The following B3GAT2 variants were observed in gnomAD, a reference collection of about 807,000 sequenced individuals.
B3GAT2 encodes the protein galactosylgalactosylxylosylprotein 3-beta-glucuronosyltransferase 2.
Under a neutral mutation model 27.8 loss-of-function variants are expected in B3GAT2, and 26 were observed. The ratio of observed to expected loss-of-function variants is 0.93; its 90% CI spans 0.68 to 1.30. The LOEUF (loss-of-function observed/expected upper bound fraction) is 1.30. B3GAT2 is among the 50% of genes most tolerant of loss of function. The probability of loss-of-function intolerance (pLI) is 0.00; values close to 1 mark genes in which losing one functional copy is unlikely to be tolerated. For synonymous variants in B3GAT2, 218 were observed against 195.1 expected (o/e 1.12, Z -0.98); for missense variants, 458 against 459.0 (o/e 1.00, Z 0.02).
In B3GAT2 at chr6:70,861,181, G is replaced by C. The variant is rs1771710217; in HGVS notation, c.*482C>G. 1 of 163,236 alleles carries C rather than the reference G, an allele frequency of 6.1e-6. No individual in the cohort carries two copies. The highest frequency in any genetic ancestry group is 2.4e-5 in the African/African-American group (1 of 41,740). 10.1% of individuals were successfully genotyped at this position (163,236 alleles called of 1,614,324 possible). A position where few individuals can be genotyped will look rare whatever the true frequency, so the allele number is the denominator to read the frequency against. On this transcript the variant is annotated 3_prime_UTR_variant, in exon 4 of 4. Transcript: ENST00000230053. ...TGACTCCATAGACCTTTTCATTTGT[G>C]GGTTTTTATTTCCTATGATGTATAC...
intron 1 of B3GAT2, among the ~76,000 whole-genome samples, chr6:70,940,505 A>G (rs1168321551): frequency 6.6e-6 from 1 of 152,048 alleles, no homozygotes; most frequent in Non-Finnish European, 1.5e-5. Flanking sequence ...AAAAAAATCT[A>G]TTTCGTGCCC....
chr6:70,862,113 A>AT, intron 2 of B3GAT2, 135 bp from the exon 3 acceptor site: 1 of 746,206 alleles, frequency 1.3e-6, no homozygotes, highest in Non-Finnish European at 2.1e-6. Context: ...ACAAAGTTGA[A>AT]TAGGAACATT....
Position 70,861,765 on chromosome 6 carries a change from A to T in B3GAT2, c.886-16T>A. The T allele has an allele frequency of 6.2e-7, 1 of 1,614,076 alleles. No homozygotes were observed. Among genetic ancestry groups the T allele is most frequent in the Non-Finnish European group, 8.5e-7 (1 of 1,179,964 alleles). On this transcript the variant is annotated splice_polypyrimidine_tract_variant and intron_variant, in intron 3 of 3. Transcript: ENST00000230053. ...ACACGAGAACCTGAAGGGGAAGGAA[A>T]TAGCTTGGGTAGCGCACTCTTCATG...
rs1771607216 is a variant in B3GAT2 at position 70,859,532 on chromosome 6, G to C, written c.*2131C>G. On this transcript the variant is annotated 3_prime_UTR_variant, in exon 4 of 4. Transcript: ENST00000230053. ...TCAAATGTATTAAATTAAGAACACA[G>C]TCTAACTCTGAGTGTAAGTTTTAAA... The C allele has an allele frequency of 1.6e-6, 1 of 643,414 alleles. No individual in the cohort carries two copies. Among genetic ancestry groups the C allele is most frequent in the Non-Finnish European group, 2.5e-6 (1 of 392,314 alleles). 39.9% of individuals were successfully genotyped at this position (643,414 alleles called of 1,614,324 possible). A position where few individuals can be genotyped will look rare whatever the true frequency, so the allele number is the denominator to read the frequency against.
At chr6:70,941,620 G>A (rs1765395002) in intron 1 of B3GAT2, among the ~76,000 whole-genome samples, 1 of 152,082 alleles carries the variant, frequency 6.6e-6, no homozygotes, top group African/African-American at 2.4e-5. Flanking sequence ...CTTAGAATCA[G>A]AGTAGGGACC....
intron 1 of B3GAT2, among the ~76,000 whole-genome samples, chr6:70,927,164 C>G (rs1772976364): frequency 6.6e-6 from 1 of 152,152 alleles, no homozygotes; most frequent in Non-Finnish European, 1.5e-5. Flanking sequence ...CTTACAAGAG[C>G]TCCTGAAGGA....
intron 1 of B3GAT2, among the ~76,000 whole-genome samples, chr6:70,897,112 T>C (rs1161783983): frequency 6.6e-6 from 1 of 152,198 alleles, no homozygotes; most frequent in Admixed American, 6.6e-5. Flanking sequence ...TAATACATAC[T>C]ACTAATAGTG....
chr6:70,953,659 T>G (rs12190918), intron 1 of B3GAT2, among the ~76,000 whole-genome samples: 7,340 of 152,298 alleles, frequency 0.048, 264 homozygotes, highest in Middle Eastern at 0.075. Flanking sequence ...AAACCTGTTG[T>G]ATTTTTTGTA....
intron 1 of B3GAT2, among the ~76,000 whole-genome samples, chr6:70,921,567 T>G (rs1772871648): frequency 6.6e-6 from 1 of 152,188 alleles, no homozygotes; most frequent in African/African-American, 2.4e-5. Context: ...TCAATGATCT[T>G]TTTTCTATCC....
chr6:70,928,617 C>A (rs544812617), intron 1 of B3GAT2, among the ~76,000 whole-genome samples: 1 of 152,248 alleles, frequency 6.6e-6, no homozygotes, highest in African/African-American at 2.4e-5. Flanking sequence ...ACACATACAA[C>A]CTCCCAAGAC....
intron 2 of B3GAT2, among the ~76,000 whole-genome samples, chr6:70,880,528 C>G (rs1772085018): frequency 6.6e-6 from 1 of 152,102 alleles, no homozygotes; most frequent in African/African-American, 2.4e-5. Flanking sequence ...GACAGAGTCT[C>G]ACTCTGTCAC....
intron 1 of B3GAT2, among the ~76,000 whole-genome samples, chr6:70,901,384 C>T (rs1274809942): frequency 6.6e-6 from 1 of 152,124 alleles, no homozygotes; most frequent in East Asian, 1.9e-4. Flanking sequence ...AGAGAAATGG[C>T]TGATTCTAGG....
chr6:70,944,489 C>A (rs551786198), intron 1 of B3GAT2, among the ~76,000 whole-genome samples: 1 of 152,060 alleles, frequency 6.6e-6, no homozygotes, highest in South Asian at 2.1e-4. Flanking sequence ...AACTGCAAGG[C>A]GACTGCAAGG....
In B3GAT2 at chr6:70,875,226, TGTAATGTAGG is replaced by T. The variant is rs200163380; in HGVS notation, c.737-13258_737-13249del. 1.0e-2 allele frequency among the ~76,000 whole-genome samples: 1,515 copies of T among 152,238 alleles called. 76 individuals carry two copies. The highest frequency in any genetic ancestry group is 0.085 in the Admixed American group (1,299 of 15,268). On this transcript the variant is annotated intron_variant, in intron 2 of 3. Coordinates refer to ENST00000230053, the MANE Select transcript of B3GAT2 (RefSeq NM_080742.3). ...TAAGTATAGAAGAAAAACAAAATAC[TGTAATGTAGG>T]GTTTGATGATTGAAAACAGAAAACT...
intron 1 of B3GAT2, among the ~76,000 whole-genome samples, chr6:70,933,010 A>G (rs1773084766): frequency 6.6e-6 from 1 of 152,144 alleles, no homozygotes; most frequent in African/African-American, 2.4e-5. Context: ...ATGTTACCCA[A>G]GCTGGTCTCG....
At position 70,912,763 on chromosome 6, in the gene B3GAT2, T is replaced by C. The variant is rs145321879; in HGVS notation, c.592-18491A>G. ...TAGGAATGGTACCAGCTCTTCTTTA[T>C]ACATCTGGCAGAATTTGGTTGTGGA... On this transcript the variant is annotated intron_variant, in intron 1 of 3. Transcript: ENST00000230053. Among the ~76,000 whole-genome samples the C allele has an allele frequency of 5.1e-3, 775 of 152,286 alleles. 9 individuals carry two copies. Among genetic ancestry groups the C allele is most frequent in the African/African-American group, 0.018 (728 of 41,574 alleles).
intron 1 of B3GAT2, among the ~76,000 whole-genome samples, chr6:70,899,546 G>T (rs1274994891): frequency 1.3e-5 from 2 of 152,178 alleles, no homozygotes; most frequent in African/African-American, 4.8e-5. Flanking sequence ...TTCCAGGTAT[G>T]CTACATTTTA....
intron 2 of B3GAT2, among the ~76,000 whole-genome samples, chr6:70,871,230 T>G (rs1468515000): frequency 2.7e-5 from 4 of 149,052 alleles, no homozygotes; most frequent in African/African-American, 9.8e-5. Flanking sequence ...TTGTTTTTTT[T>G]TTTTCTTCGT....
At chr6:70,943,674 A>G (rs937519186) in intron 1 of B3GAT2, among the ~76,000 whole-genome samples, 1 of 152,204 alleles carries the variant, frequency 6.6e-6, no homozygotes, top group Non-Finnish European at 1.5e-5. Context: ...AAAAGACTAC[A>G]GTTTATATAC....
Sources: allele counts gnomAD v4.1 joint callset (sites outside exome capture counted in the v4.1 genomes callset), GRCh38; gene constraint gnomAD v4.1.1; transcripts MANE v1.5; gene names NCBI Gene and HGNC (gene_info 2026-07-23, HGNC 2026-07-21).